LINGO2: variants seen among roughly 807,000 people sequenced by gnomAD.
LINGO2 encodes leucine-rich repeat and immunoglobulin-like domain-containing nogo receptor-interacting protein 2.
LINGO2 carries 14 observed loss-of-function variants against 30.6 expected under a neutral mutation model. The ratio of observed to expected loss-of-function variants is 0.46; its 90% CI spans 0.30 to 0.72. The LOEUF is 0.72. Among genes scored for constraint, LINGO2 ranks in the 30% least tolerant of loss-of-function variants. The pLI is 0.07. For missense variants in LINGO2, 729 were observed against 751.7 expected, an observed-to-expected ratio of 0.97 and a Z score of 0.35; for synonymous variants, 317 against 288.5, an observed-to-expected ratio of 1.10 and a Z score of -1.00.
chr9:28,059,247 C>A (rs1234609688), intron 4 of LINGO2, among the ~76,000 whole-genome samples: 3 of 152,076 alleles, frequency 2.0e-5, no homozygotes, highest in Non-Finnish European at 4.4e-5. Context: ...CATGTGCCTA[C>A]CCTTTTGACC....
At chr9:29,184,427 C>T in the LINGO2 span, among the ~76,000 whole-genome samples, 3 of 149,778 alleles carry the variant, frequency 2.0e-5, no homozygotes, top group African/African-American at 7.3e-5. Context: ...TTTTAAAGGA[C>T]ATTAAATTCA....
chr9:28,739,355 C>G, the LINGO2 span, among the ~76,000 whole-genome samples: 69 of 151,950 alleles, frequency 4.5e-4, no homozygotes, highest in African/African-American at 1.5e-3. Context: ...ATTCCAATGT[C>G]TTCATGACAT....
At chr9:29,124,107 C>T in the LINGO2 span, among the ~76,000 whole-genome samples, 1 of 152,102 alleles carries the variant, frequency 6.6e-6, no homozygotes, top group South Asian at 2.1e-4. Flanking sequence ...AATAAAACCA[C>T]ACATCTACAA....
chr9:29,137,535 C>A, the LINGO2 span, among the ~76,000 whole-genome samples: 1 of 152,074 alleles, frequency 6.6e-6, no homozygotes, highest in Non-Finnish European at 1.5e-5. Context: ...TCCAAAGAGA[C>A]AAAATATTTC....
intron 1 of LINGO2, among the ~76,000 whole-genome samples, chr9:28,612,293 G>A (rs1370757382): frequency 6.6e-6 from 1 of 152,070 alleles, no homozygotes; most frequent in Non-Finnish European, 1.5e-5. Context: ...CAATCCCTGA[G>A]CTCAAGTGAT....
rs953166660 is a variant in LINGO2, at chr9:28,622,301, C to T, written c.-365+47899G>A. Among the ~76,000 whole-genome samples the T allele has an allele frequency of 3.0e-5, 4 of 135,570 alleles. No individual in the cohort carries two copies. The South Asian group carries it at 6.5e-4, about 22-fold the overall frequency. The allele number at this position is 135,570 out of a possible 152,430, so 88.9% of individuals were successfully genotyped here. A position where few individuals can be genotyped will look rare whatever the true frequency, so the allele number is the denominator to read the frequency against. ...AACCATCCCAACTTCCTCCTAATCC[C>T]CCAATACCCTCCCCAGCCTCTGGTA... On this transcript the variant is annotated intron_variant, in intron 1 of 5. Coordinates refer to ENST00000379992, the Ensembl canonical transcript of LINGO2.
At chr9:28,513,717 TG>T (rs1441187967) in intron 1 of LINGO2, among the ~76,000 whole-genome samples, 2 of 152,230 alleles carry the variant, frequency 1.3e-5, no homozygotes, top group Non-Finnish European at 2.9e-5. Flanking sequence ...TTTTCTTCTT[TG>T]TGTGTATGTT....
chr9:28,338,143 C>A (rs777024440), intron 3 of LINGO2, among the ~76,000 whole-genome samples: 7 of 152,192 alleles, frequency 4.6e-5, no homozygotes, highest in Non-Finnish European at 8.8e-5. Context: ...ATGGGCACCT[C>A]ATGCAAGCCC....
the LINGO2 span, among the ~76,000 whole-genome samples, chr9:29,121,991 G>A: frequency 6.6e-6 from 1 of 151,982 alleles, no homozygotes; most frequent in Non-Finnish European, 1.5e-5. Flanking sequence ...AGTATCAGAA[G>A]AAAAAGAGTT....
chr9:27,978,559 AC>A (rs1295958340), intron 5 of LINGO2, among the ~76,000 whole-genome samples: 1 of 152,014 alleles, frequency 6.6e-6, no homozygotes, highest in Non-Finnish European at 1.5e-5. Flanking sequence ...CTGTCTGTGA[AC>A]CAGGAAGTGG....
chr9:28,796,691 G>A, the LINGO2 span, among the ~76,000 whole-genome samples: 1 of 151,966 alleles, frequency 6.6e-6, no homozygotes, highest in Non-Finnish European at 1.5e-5. Context: ...TTAAGAATAA[G>A]AGGATTCTAA....
the LINGO2 span, among the ~76,000 whole-genome samples, chr9:28,896,869 A>G: frequency 6.6e-6 from 1 of 152,234 alleles, no homozygotes; most frequent in African/African-American, 2.4e-5. Flanking sequence ...CATATCATCT[A>G]TAGAAACAAA....
chr9:29,205,946 T>C, the LINGO2 span, among the ~76,000 whole-genome samples: 1 of 152,230 alleles, frequency 6.6e-6, no homozygotes. Context: ...TCCATAGATA[T>C]GTTTTTCTGT....
chr9:28,626,266 T>G (rs566722285), intron 1 of LINGO2, among the ~76,000 whole-genome samples: 25 of 152,266 alleles, frequency 1.6e-4, no homozygotes, highest in Admixed American at 4.6e-4. Flanking sequence ...TAAATTGGGC[T>G]ATTTGTCTTC....
At chr9:28,994,511 A>G in the LINGO2 span, among the ~76,000 whole-genome samples, 24 of 151,428 alleles carry the variant, frequency 1.6e-4, no homozygotes, top group Admixed American at 1.6e-3. Context: ...AGAATTGGAA[A>G]AAACTACTTT....
chr9:29,188,201 G>A, the LINGO2 span, among the ~76,000 whole-genome samples: 1 of 151,588 alleles, frequency 6.6e-6, no homozygotes, highest in Non-Finnish European at 1.5e-5. Flanking sequence ...GTACTTAAGA[G>A]TAGGGAGTGG....
chr9:29,170,795 AAAC>A, the LINGO2 span, among the ~76,000 whole-genome samples: 1 of 152,110 alleles, frequency 6.6e-6, no homozygotes, highest in Non-Finnish European at 1.5e-5. Flanking sequence ...AAAAAAATGA[AAAC>A]AATATAAAAA....
chr9:28,923,638 C>CAG, the LINGO2 span, among the ~76,000 whole-genome samples: 111,174 of 151,698 alleles, frequency 0.73, 40,934 homozygotes, highest in Non-Finnish European at 0.78. Flanking sequence ...ATAGGCCACT[C>CAG]GGGATAATTG....
At chr9:28,469,281 AAG>A (rs1825429709) in intron 2 of LINGO2, among the ~76,000 whole-genome samples, 1 of 151,988 alleles carries the variant, frequency 6.6e-6, no homozygotes, top group Non-Finnish European at 1.5e-5. Flanking sequence ...GAAAAAAAAA[AAG>A]AGTAAAGAAA....
Sources: gnomAD v4.1 joint callset for allele counts (sites outside exome capture counted in the v4.1 genomes callset) on GRCh38, gnomAD v4.1.1 for gene constraint, MANE v1.5 for transcripts, NCBI Gene and HGNC (gene_info 2026-07-23, HGNC 2026-07-21) for gene names.